The following ADAD1 variants were observed in gnomAD, a reference collection of about 807,000 sequenced individuals.
ADAD1 encodes adenosine deaminase domain-containing protein 1.
ADAD1 carries 46 observed loss-of-function variants against 66.8 expected under a neutral mutation model. The observed-to-expected ratio is 0.69, with a 90% CI of 0.54 to 0.88. The LOEUF (loss-of-function observed/expected upper bound fraction) is 0.88. Ranked by LOEUF, ADAD1 falls within the 40% of genes least tolerant of loss-of-function variation. ADAD1 has a pLI of 0.00. For missense variants in ADAD1, 617 were observed against 681.8 expected (o/e 0.91, Z 1.06); for synonymous variants, 248 against 229.4 (o/e 1.08, Z -0.73).
intron 6 of ADAD1, among the ~76,000 whole-genome samples, chr4:122,395,475 G>T (rs924262903): frequency 6.6e-6 from 1 of 152,026 alleles, no homozygotes; most frequent in Non-Finnish European, 1.5e-5. Context: ...GAGGTCAGGA[G>T]TTCAAGACCA....
intron 5 of ADAD1, among the ~76,000 whole-genome samples, chr4:122,384,921 C>CA (rs1163452697): frequency 6.6e-6 from 1 of 152,112 alleles, no homozygotes; most frequent in African/African-American, 2.4e-5. Context: ...CAAAAAGTAC[C>CA]AATGGTGCCT....
chr4:122,417,376 A>G (rs998390507), intron 11 of ADAD1, among the ~76,000 whole-genome samples: 10 of 152,048 alleles, frequency 6.6e-5, no homozygotes, highest in Middle Eastern at 3.4e-3. Flanking sequence ...TATAGTCTAA[A>G]TATTAGACAA....
At chr4:122,391,737 A>T (rs1214218516) in intron 5 of ADAD1, among the ~76,000 whole-genome samples, 4 of 152,084 alleles carry the variant, frequency 2.6e-5, no homozygotes, top group Non-Finnish European at 5.9e-5. Context: ...TTTGAGACAG[A>T]GTCTCTCTGT....
At chr4:122,405,571 C>A (rs1231336481) in intron 7 of ADAD1, among the ~76,000 whole-genome samples, 1 of 152,054 alleles carries the variant, frequency 6.6e-6, no homozygotes. Context: ...ACCACAGTAC[C>A]CTCCTGGTCT....
intron 6 of ADAD1, among the ~76,000 whole-genome samples, chr4:122,394,601 C>A (rs1795609177): frequency 6.6e-6 from 1 of 152,112 alleles, no homozygotes; most frequent in Non-Finnish European, 1.5e-5. Context: ...AAAAATCCAC[C>A]AATAGTTAGA....
Position 122,415,495 on chromosome 4 carries a change from T to G in ADAD1, c.1366T>G (p.Leu456Val). ...FYLVNRPHIS[L>V]VPSAYPLQMN... ...CTTAGTCAACAGACCTCATATTAGT[T>G]TAGTACCCTCTGCATATCCCCTTCA... Residue 456 changes from leucine to valine, a missense_variant, in exon 11 of 13, where the codon TTA becomes GTA. By Grantham distance (32) the Leu-to-Val change is conservative. Transcript: ENST00000296513. 1 of 1,613,992 alleles carries G rather than the reference T, an allele frequency of 6.2e-7. No individual in the cohort carries two copies. Among genetic ancestry groups the G allele is most frequent in the Non-Finnish European group, 8.5e-7 (1 of 1,179,896 alleles).
At position 122,413,851 on chromosome 4, in the gene ADAD1, C is replaced by CATATATATATATATATATATATAT. The variant is rs377322878; in HGVS notation, c.1249+1045_1249+1068dup. Among the ~76,000 whole-genome samples the CATATATATATATATATATATATAT allele has an allele frequency of 3.8e-3, 480 of 126,466 alleles. 9 individuals are homozygous for CATATATATATATATATATATATAT. Among genetic ancestry groups the CATATATATATATATATATATATAT allele is most frequent in the Non-Finnish European group, 4.6e-3 (276 of 59,528 alleles). 83.0% of individuals were successfully genotyped at this position (126,466 alleles called of 152,430 possible). On this transcript the variant is annotated intron_variant, in intron 10 of 12. Coordinates refer to ENST00000296513, the MANE Select transcript of ADAD1 (RefSeq NM_139243.4). ...TTTCACGCTGCTGCTTATGATAGATCATATATATATATATATATATATATA... is the reference window on the plus strand; with the variant it reads ...TTTCACGCTGCTGCTTATGATAGATCATATATATATATATATATATATATATATATATATATATATATATATATA...
intron 5 of ADAD1, among the ~76,000 whole-genome samples, chr4:122,385,360 C>T (rs375680202): frequency 6.6e-6 from 1 of 152,096 alleles, no homozygotes; most frequent in Non-Finnish European, 1.5e-5. Context: ...GCAACCTCCC[C>T]CTCCCGGGTT....
intron 8 of ADAD1, among the ~76,000 whole-genome samples, chr4:122,410,118 G>A (rs1313604645): frequency 6.6e-6 from 1 of 152,144 alleles, no homozygotes; most frequent in Admixed American, 6.6e-5. Flanking sequence ...CTTCACTAGA[G>A]TATTTTAAAA....
rs1392091710 is a variant in ADAD1 at position 122,393,676 on chromosome 4, A to G, written c.598+19A>G. The G allele has an allele frequency of 6.4e-7, 1 of 1,560,472 alleles. No individual in the cohort carries two copies. ...CATTATGGTAGGAAAGTTTTTTGTG[A>G]CGTTCTTCTTTAGAAGAGTAGCCCA... On this transcript the variant is annotated intron_variant, in intron 6 of 12. Coordinates refer to ENST00000296513, the MANE Select transcript of ADAD1 (RefSeq NM_139243.4).
chr4:122,422,832 G>T (rs537186512), intron 12 of ADAD1, among the ~76,000 whole-genome samples: 1 of 151,764 alleles, frequency 6.6e-6, no homozygotes, highest in Admixed American at 6.6e-5. Context: ...CACAGCTCTA[G>T]TTCTGGCTAC....
chr4:122,397,716 G>A (rs1050841521), intron 7 of ADAD1, among the ~76,000 whole-genome samples: 3 of 152,102 alleles, frequency 2.0e-5, no homozygotes, highest in African/African-American at 7.2e-5. Flanking sequence ...TAAGGTGAAA[G>A]TGACAATAAA....
intron 10 of ADAD1, among the ~76,000 whole-genome samples, chr4:122,414,416 T>A (rs74396501): frequency 0.02 from 3,070 of 152,114 alleles, 52 homozygotes; most frequent in Non-Finnish European, 0.03. Flanking sequence ...ACTTTTATTC[T>A]GTGCCCAAGT....
At chr4:122,415,778 T>A (rs1372986266) in intron 11 of ADAD1, among the ~76,000 whole-genome samples, 162 bp downstream of exon 11, 1 of 152,178 alleles carries the variant, frequency 6.6e-6, no homozygotes, top group South Asian at 2.1e-4. Context: ...GTACTAATTT[T>A]AAAAATTTTT....
At chr4:122,396,493 T>C in intron 7 of ADAD1, 116 bp downstream of exon 7, 1 of 839,528 alleles carries the variant, frequency 1.2e-6, no homozygotes, top group Non-Finnish European at 1.7e-6. Flanking sequence ...TGACTTTTTC[T>C]AGTAAGTGTG....
chr4:122,422,780 G>A (rs1362553255), intron 12 of ADAD1, among the ~76,000 whole-genome samples: 2 of 151,808 alleles, frequency 1.3e-5, no homozygotes, highest in Non-Finnish European at 2.9e-5. Flanking sequence ...TAAAAAGTGT[G>A]TATTCCTCAC....
At chr4:122,415,667 CA>C (rs1796699722) in intron 11 of ADAD1, 51 bp downstream of exon 11, 3 of 1,451,946 alleles carry the variant, frequency 2.1e-6, no homozygotes, top group Non-Finnish European at 2.9e-6. Flanking sequence ...CAAAAGAAGA[CA>C]TTTTATTGCA....
intron 5 of ADAD1, among the ~76,000 whole-genome samples, chr4:122,388,385 A>G (rs1288116904): frequency 6.6e-6 from 1 of 152,188 alleles, no homozygotes; most frequent in African/African-American, 2.4e-5. Flanking sequence ...GCTTCATAAA[A>G]TGAGTTAGGG....
intron 4 of ADAD1, 118 bp from the exon 5 acceptor site, chr4:122,383,681 G>A: frequency 9.0e-7 from 1 of 1,108,422 alleles, no homozygotes. Context: ...TTGTAAAGTT[G>A]GTGTTTATGA....
Sources: gnomAD v4.1 joint callset for allele counts (sites outside exome capture counted in the v4.1 genomes callset) on GRCh38, gnomAD v4.1.1 for gene constraint, MANE v1.5 for transcripts, NCBI Gene and HGNC (gene_info 2026-07-23, HGNC 2026-07-21) for gene names.